PTPRD: variants seen among roughly 807,000 people sequenced by gnomAD.
PTPRD encodes protein tyrosine phosphatase receptor type D, also known as receptor-type tyrosine-protein phosphatase delta.
A neutral mutation model predicts 214.5 loss-of-function variants in PTPRD; 34 were observed. The ratio of observed to expected loss-of-function variants is 0.16; its 90% CI spans 0.12 to 0.21. The LOEUF (loss-of-function observed/expected upper bound fraction) is 0.21. Ranked by LOEUF, PTPRD falls within the 10% of genes least tolerant of loss-of-function variation. The pLI is 1.00. For missense variants in PTPRD, 2,545 were observed against 2,398.7 expected, an observed-to-expected ratio of 1.06 and a Z score of -1.27; for synonymous variants, 1,128 against 845.7, an observed-to-expected ratio of 1.33 and a Z score of -5.79.
At chr9:9,909,765 T>C (rs989582603) in intron 5 of PTPRD, among the ~76,000 whole-genome samples, 1 of 147,506 alleles carries the variant, frequency 6.8e-6, no homozygotes, top group African/African-American at 2.6e-5. Flanking sequence ...GGGACATCAT[T>C]TGTGGATTGA....
At chr9:9,276,326 T>A (rs538805477) in intron 9 of PTPRD, among the ~76,000 whole-genome samples, 10 of 151,516 alleles carry the variant, frequency 6.6e-5, no homozygotes, top group African/African-American at 2.2e-4. Flanking sequence ...TTGCTCTTTA[T>A]TACAAATTTG....
chr9:9,251,874 T>G (rs1309184066), intron 9 of PTPRD, among the ~76,000 whole-genome samples: 1 of 152,126 alleles, frequency 6.6e-6, no homozygotes, highest in African/African-American at 2.4e-5. Flanking sequence ...AACTACGCAT[T>G]GGGCCACCTT....
intron 3 of PTPRD, among the ~76,000 whole-genome samples, chr9:10,187,933 G>A (rs192054396): frequency 6.6e-6 from 1 of 152,028 alleles, no homozygotes; most frequent in Non-Finnish European, 1.5e-5. Context: ...TCAAAAATTG[G>A]CAGTTTTCAG....
intron 11 of PTPRD, chr9:8,861,133 T>A (rs1382322241): frequency 6.6e-6 from 1 of 152,224 alleles, no homozygotes; most frequent in Non-Finnish European, 1.5e-5. Flanking sequence ...GAGTCTGTTT[T>A]GGACCCCATC....
At chr9:9,117,660 T>C (rs2099813691) in intron 10 of PTPRD, among the ~76,000 whole-genome samples, 1 of 152,150 alleles carries the variant, frequency 6.6e-6, no homozygotes, top group Non-Finnish European at 1.5e-5. Context: ...AAGAAAAGAA[T>C]AAATAAAAGA....
chr9:10,539,340 A>C (rs1049914963), intron 2 of PTPRD, among the ~76,000 whole-genome samples: 1 of 152,160 alleles, frequency 6.6e-6, no homozygotes, highest in South Asian at 2.1e-4. Flanking sequence ...GACCGCCATC[A>C]TGCCGGGCTA....
intron 7 of PTPRD, among the ~76,000 whole-genome samples, chr9:9,582,519 A>G (rs2154315716): frequency 6.6e-6 from 1 of 151,178 alleles, no homozygotes; most frequent in African/African-American, 2.4e-5. Context: ...TCTGAGAGAT[A>G]AATAAATTAT....
At chr9:8,333,532 C>T (rs1331321161) in intron 43 of PTPRD, among the ~76,000 whole-genome samples, 2 of 152,132 alleles carry the variant, frequency 1.3e-5, no homozygotes, top group Non-Finnish European at 2.9e-5. Flanking sequence ...CCAGGCCTGC[C>T]TTACAAGAGC....
intron 3 of PTPRD, among the ~76,000 whole-genome samples, chr9:10,133,568 A>G (rs2098918688): frequency 6.6e-6 from 1 of 152,166 alleles, no homozygotes; most frequent in Non-Finnish European, 1.5e-5. Context: ...ACCAGAATGT[A>G]AACTAATATA....
chr9:8,961,223 T>A lies in PTPRD; in HGVS notation c.-104+57474A>T, dbSNP rs76040860. Among the ~76,000 whole-genome samples, 349 of 152,154 alleles carry A rather than the reference T, an allele frequency of 2.3e-3. 3 individuals are homozygous for A. Among genetic ancestry groups the A allele is most frequent in the African/African-American group, 8.2e-3 (342 of 41,530 alleles). Reference sequence around the variant, plus strand: ...GATTTATGACTGCGAGCTTTCCAGGTGGACAAGGAAAAGAAAGGATGTTCC... The same window carrying A: ...GATTTATGACTGCGAGCTTTCCAGGAGGACAAGGAAAAGAAAGGATGTTCC... On this transcript the variant is annotated intron_variant, in intron 11 of 45. Coordinates refer to ENST00000381196, the MANE Select transcript of PTPRD (RefSeq NM_002839.4).
At chr9:9,323,328 T>C (rs187736408) in intron 9 of PTPRD, among the ~76,000 whole-genome samples, 4 of 152,264 alleles carry the variant, frequency 2.6e-5, no homozygotes, top group Admixed American at 6.5e-5. Context: ...TAATCAAATC[T>C]TTTTTACTTA....
chr9:10,208,474 A>G (rs574329111), intron 3 of PTPRD, among the ~76,000 whole-genome samples: 1 of 152,244 alleles, frequency 6.6e-6, no homozygotes, highest in Non-Finnish European at 1.5e-5. Context: ...AGATCGCGCC[A>G]CTGCACTCCA....
At chr9:9,902,282 ATG>A (rs1382366831) in intron 5 of PTPRD, among the ~76,000 whole-genome samples, 4 of 152,166 alleles carry the variant, frequency 2.6e-5, no homozygotes, top group African/African-American at 9.7e-5. Context: ...GTTCTAATTT[ATG>A]TATCTTTGTG....
chr9:8,460,391 G>T lies in PTPRD; in HGVS notation c.3875+20C>A. On this transcript the variant is annotated intron_variant, in intron 33 of 45. Coordinates refer to ENST00000381196, the MANE Select transcript of PTPRD (RefSeq NM_002839.4). The stretch of plus-strand genomic sequence containing the variant: ...TAAGGCAGCCTCCAAAATTACAACA[G>T]AAATATTGGGCAAACCTACCTTTTA... 1.2e-6 allele frequency: 2 copies of T among 1,609,794 alleles called. No individual in the cohort carries two copies. Among genetic ancestry groups the T allele is most frequent in the Non-Finnish European group, 1.7e-6 (2 of 1,177,938 alleles).
At chr9:10,336,721 A>G (rs1403694931) in intron 3 of PTPRD, among the ~76,000 whole-genome samples, 2 of 151,626 alleles carry the variant, frequency 1.3e-5, no homozygotes, top group Non-Finnish European at 3.0e-5. Flanking sequence ...AAAGTCGACA[A>G]ATAACAATCG....
At chr9:10,589,400 TG>T (rs1444884546) in intron 2 of PTPRD, among the ~76,000 whole-genome samples, 5 of 151,190 alleles carry the variant, frequency 3.3e-5, no homozygotes, top group Non-Finnish European at 7.4e-5. Context: ...CAGATTAATC[TG>T]GGTTAAGTTT....
chr9:10,131,222 A>G (rs2098877294), intron 3 of PTPRD, among the ~76,000 whole-genome samples: 1 of 152,154 alleles, frequency 6.6e-6, no homozygotes. Context: ...TCTAACAGCA[A>G]TTAGAGAGTC....
intron 6 of PTPRD, among the ~76,000 whole-genome samples, chr9:9,763,862 C>T (rs1175823712): frequency 1.3e-5 from 2 of 152,096 alleles, no homozygotes; most frequent in Admixed American, 6.5e-5. Flanking sequence ...TTTAAATAGA[C>T]ACAATCACAT....
In PTPRD at chr9:9,451,822, G is replaced by A. The variant is rs1302817208; in HGVS notation, c.-236-54340C>T. On this transcript the variant is annotated intron_variant, in intron 8 of 45. Transcript: ENST00000381196. ...TTAATTTTAGAAAGTTAGAAGAATG[G>A]GTTGAATTTGCGCTATAGATACAAC... Among the ~76,000 whole-genome samples, 3 of 151,160 alleles carry A rather than the reference G, an allele frequency of 2.0e-5. No homozygotes were observed. The East Asian group carries it at 5.8e-4, about 29-fold the overall frequency.
Sources: allele counts gnomAD v4.1 joint callset (sites outside exome capture counted in the v4.1 genomes callset), GRCh38; gene constraint gnomAD v4.1.1; transcripts MANE v1.5; gene names NCBI Gene and HGNC (gene_info 2026-07-23, HGNC 2026-07-21).